Variants in TRAIP observed in about 807,000 individuals in gnomAD.
TRAIP encodes the protein E3 ubiquitin-protein ligase TRAIP.
In TRAIP, 37 loss-of-function variants were observed where a neutral mutation model predicts 65.0. The ratio of observed to expected loss-of-function variants is 0.57; its 90% CI spans 0.44 to 0.75. The LOEUF (loss-of-function observed/expected upper bound fraction) is 0.75, where lower values mean the gene tolerates loss of function less well. TRAIP is among the 30% of genes least tolerant of loss of function. The probability of loss-of-function intolerance (pLI) is 0.00; values close to 1 mark genes in which losing one functional copy is unlikely to be tolerated. For synonymous variants in TRAIP, 187 were observed against 219.1 expected (o/e 0.85, Z 1.29); for missense variants, 481 against 579.4 (o/e 0.83, Z 1.74).
At position 49,848,135 on chromosome 3, in the gene TRAIP, A is replaced by T. The variant is rs200241896; in HGVS notation, c.156+8T>A. 3 of 1,613,734 alleles carry T rather than the reference A, an allele frequency of 1.9e-6. No individual in the cohort carries two copies. The highest frequency in any genetic ancestry group is 3.3e-5 in the Admixed American group (2 of 59,986). On this transcript the variant is annotated splice_region_variant and intron_variant, in intron 2 of 14. Coordinates refer to ENST00000331456, the MANE Select transcript of TRAIP (RefSeq NM_005879.3). ...TCAGTTGAGGTGGTCCCACCCCAAT[A>T]CTCTCACCTGGATTCGGCACTGTGG...
chr3:49,852,426 A>G (rs1302151889), intron 1 of TRAIP, among the ~76,000 whole-genome samples: 1 of 151,056 alleles, frequency 6.6e-6, no homozygotes, highest in Admixed American at 6.6e-5. Context: ...ATATGAAGAG[A>G]TAATGGCTGA....
intron 1 of TRAIP, among the ~76,000 whole-genome samples, chr3:49,853,467 A>G (rs2081950112): frequency 2.0e-5 from 3 of 152,132 alleles, no homozygotes; most frequent in Non-Finnish European, 4.4e-5. Context: ...AAAATAAAAT[A>G]AAACAGATGA....
In TRAIP at chr3:49,842,520, G is replaced by C; in HGVS notation, c.436C>G (p.Gln146Glu). ...KKQMKYLEQQ[Q>E]DETKQAQEEA... ...TCTTGTGCTTGTTTGGTCTCATCCT[G>C]CTGCTGCTCTAAGTACTTCATCTGC... The change falls in exon 6 of 15, where the codon CAG (glutamine) becomes GAG (glutamate). Residue 146 changes from glutamine to glutamate, a missense_variant. By Grantham distance (29) the Gln-to-Glu change is conservative (BLOSUM62 2). Transcript: ENST00000331456. 6.2e-7 allele frequency: 1 copy of C among 1,613,876 alleles called. No homozygotes were observed. The highest frequency in any genetic ancestry group is 8.5e-7 in the Non-Finnish European group (1 of 1,180,014).
chr3:49,831,803 TA>T (rs1251241818), intron 11 of TRAIP, 112 bp downstream of exon 11: 5 of 1,272,716 alleles, frequency 3.9e-6, no homozygotes, highest in Non-Finnish European at 5.2e-6. Flanking sequence ...TGGCCAAGCC[TA>T]GGCAACCCTC....
chr3:49,834,708 T>TC (rs945159878), intron 10 of TRAIP, among the ~76,000 whole-genome samples: 5 of 151,604 alleles, frequency 3.3e-5, no homozygotes, highest in Non-Finnish European at 5.9e-5. Context: ...AGTCTGCACA[T>TC]CCCCCCCAAA....
chr3:49,848,849 CTT>C (rs753819561), intron 1 of TRAIP, among the ~76,000 whole-genome samples: 10 of 144,388 alleles, frequency 6.9e-5, no homozygotes, highest in Admixed American at 6.9e-5. Flanking sequence ...GTACTCATAA[CTT>C]TTTTTTTTTT....
chr3:49,847,216 T>TAAATAAATAAATA (rs1553619325), intron 3 of TRAIP, among the ~76,000 whole-genome samples: 4 of 148,724 alleles, frequency 2.7e-5, no homozygotes, highest in African/African-American at 7.5e-5. Flanking sequence ...AATAAATAAA[T>TAAATAAATAAATA]AAATAAAATA....
chr3:49,831,810 C>T (rs116222707), intron 11 of TRAIP, 106 bp downstream of exon 11: 43,115 of 1,313,968 alleles, frequency 0.033, 838 homozygotes, highest in Non-Finnish European at 0.038. Flanking sequence ...GCCTAGGCAA[C>T]CCTCACTGCC....
chr3:49,854,643 C>T (rs910555700), intron 1 of TRAIP, among the ~76,000 whole-genome samples: 14 of 152,098 alleles, frequency 9.2e-5, no homozygotes, highest in Non-Finnish European at 1.5e-4. Flanking sequence ...AAAACAGAAT[C>T]GACTAAAGAC....
intron 3 of TRAIP, among the ~76,000 whole-genome samples, chr3:49,846,421 C>T (rs1162961682): frequency 2.6e-5 from 4 of 152,032 alleles, no homozygotes; most frequent in African/African-American, 4.8e-5. Context: ...AAAAATCTCC[C>T]GTGGCTGGGG....
intron 10 of TRAIP, among the ~76,000 whole-genome samples, chr3:49,833,624 C>T (rs569261158): frequency 2.0e-5 from 3 of 152,102 alleles, no homozygotes; most frequent in South Asian, 2.1e-4. Context: ...GGGCTACAGG[C>T]GCCCGCCACC....
rs907054952 is a variant in TRAIP at position 49,839,646 on chromosome 3, G to A, written c.884+126C>T. 4.4e-5 allele frequency: 38 copies of A among 871,406 alleles called. 2 individuals carry two copies. In the South Asian group the frequency reaches 5.4e-4, roughly 12 times the overall value. 54.0% of individuals were successfully genotyped at this position (871,406 alleles called of 1,614,324 possible). The stretch of plus-strand genomic sequence containing the variant: ...CAGCTAAATCTTGGCTGGCTCCCAG[G>A]GCAGGCTGTCTGCAGACATCAGGTC... On this transcript the variant is annotated intron_variant, in intron 10 of 14. Transcript: ENST00000331456.
In TRAIP at chr3:49,841,199, G is replaced by A. The variant is rs1457129814; in HGVS notation, c.618-127C>T. ...CACTCTCATTCCTACTTTGACACCT[G>A]AGCCCAACAAGTACCAGGTGGCACT... On this transcript the variant is annotated intron_variant, in intron 7 of 14. Coordinates refer to ENST00000331456, the MANE Select transcript of TRAIP (RefSeq NM_005879.3). The A allele has an allele frequency of 7.7e-6, 6 of 775,770 alleles. No homozygotes were observed. The Admixed American group carries it at 1.0e-4, about 13-fold the overall frequency. 48.1% of individuals were successfully genotyped at this position (775,770 alleles called of 1,614,324 possible). A position where few individuals can be genotyped will look rare whatever the true frequency, so the allele number is the denominator to read the frequency against.
chr3:49,836,649 G>A lies in TRAIP; in HGVS notation c.884+3123C>T, dbSNP rs2081790068. Among the ~76,000 whole-genome samples the A allele has an allele frequency of 1.3e-5, 2 of 152,136 alleles. 1 individual carries two copies. The highest frequency in any genetic ancestry group is 2.9e-5 in the Non-Finnish European group (2 of 68,026). ...AGTTCAAGACCAGCCTGGACAATAAGTGAGACCCTGCCTCTACAAAAAATT... is the reference window on the plus strand; with the variant it reads ...AGTTCAAGACCAGCCTGGACAATAAATGAGACCCTGCCTCTACAAAAAATT... On this transcript the variant is annotated intron_variant, in intron 10 of 14. Transcript: ENST00000331456.
At chr3:49,837,582 A>AT (rs1180861976) in intron 10 of TRAIP, among the ~76,000 whole-genome samples, 1 of 151,368 alleles carries the variant, frequency 6.6e-6, no homozygotes, top group South Asian at 2.1e-4. Flanking sequence ...TGCCACCGTA[A>AT]TTTTTTTTTG....
chr3:49,836,925 T>C (rs943931932), intron 10 of TRAIP, among the ~76,000 whole-genome samples: 15 of 151,998 alleles, frequency 9.9e-5, no homozygotes, highest in South Asian at 2.1e-4. Context: ...CCTGGAGCTT[T>C]CTACTCTTCC....
Position 49,850,314 on chromosome 3 carries a change from C to G in TRAIP, c.99-2114G>C, listed in dbSNP as rs946698633. On this transcript the variant is annotated intron_variant, in intron 1 of 14. Coordinates refer to ENST00000331456, the MANE Select transcript of TRAIP (RefSeq NM_005879.3). The stretch of plus-strand genomic sequence containing the variant: ...AGAAGTTTGAGACCAGCCTGACCAA[C>G]ATGGTGAAACCCCGTCTCTACTAAA... 3.9e-5 allele frequency among the ~76,000 whole-genome samples: 6 copies of G among 151,988 alleles called. No homozygotes were observed. The East Asian group carries it at 1.2e-3, about 30-fold the overall frequency.
chr3:49,846,702 C>A (rs1171245781), intron 3 of TRAIP, among the ~76,000 whole-genome samples: 1 of 152,170 alleles, frequency 6.6e-6, no homozygotes, highest in Non-Finnish European at 1.5e-5. Context: ...TCTATAACTT[C>A]ATCTCCATAT....
At chr3:49,837,932 G>C (rs2081803261) in intron 10 of TRAIP, among the ~76,000 whole-genome samples, 1 of 151,940 alleles carries the variant, frequency 6.6e-6, no homozygotes, top group Non-Finnish European at 1.5e-5. Context: ...TCCCAGGCTG[G>C]AGTGCAGTGG....
Sources: allele counts gnomAD v4.1 joint callset (sites outside exome capture counted in the v4.1 genomes callset), GRCh38; gene constraint gnomAD v4.1.1; transcripts MANE v1.5; gene names NCBI Gene and HGNC (gene_info 2026-07-23, HGNC 2026-07-21).